Variants in HIPK2 observed in about 807,000 individuals in gnomAD.
HIPK2 encodes the protein homeodomain interacting protein kinase 2.
In HIPK2, 27 loss-of-function variants were observed where a neutral mutation model predicts 113.7. That is an observed-to-expected ratio of 0.24 (90% confidence interval 0.17 to 0.33). The LOEUF is 0.33. Ranked by LOEUF, HIPK2 falls within the 10% of genes least tolerant of loss-of-function variation. HIPK2 has a pLI of 1.00. For synonymous variants in HIPK2, 631 were observed against 642.2 expected, an observed-to-expected ratio of 0.98 and a Z score of 0.26; for missense variants, 1,257 against 1,588.0, an observed-to-expected ratio of 0.79 and a Z score of 3.54.
At chr7:139,582,534 G>C (rs896927171) in intron 13 of HIPK2, among the ~76,000 whole-genome samples, 1 of 152,242 alleles carries the variant, frequency 6.6e-6, no homozygotes, top group Admixed American at 6.5e-5. Flanking sequence ...TGCAAAAGGA[G>C]ACGTTTTAGC....
chr7:139,712,860 A>G (rs1004011282), intron 2 of HIPK2, among the ~76,000 whole-genome samples: 4 of 152,200 alleles, frequency 2.6e-5, no homozygotes, highest in African/African-American at 9.7e-5. Flanking sequence ...AAACCACTGC[A>G]GGGCTCAGAC....
At chr7:139,735,104 G>C (rs6605557) in intron 1 of HIPK2, among the ~76,000 whole-genome samples, 2 of 152,230 alleles carry the variant, frequency 1.3e-5, no homozygotes, top group South Asian at 4.1e-4. Context: ...ACTGTCGAGG[G>C]GGGAAGGGAA....
At chr7:139,754,278 T>C (rs1198981216) in intron 1 of HIPK2, among the ~76,000 whole-genome samples, 1 of 152,202 alleles carries the variant, frequency 6.6e-6, no homozygotes, top group Non-Finnish European at 1.5e-5. Flanking sequence ...GGAGCACAAA[T>C]GGTAGGCGCT....
intron 13 of HIPK2, among the ~76,000 whole-genome samples, chr7:139,578,715 G>C (rs1391371878): frequency 6.6e-6 from 1 of 152,200 alleles, no homozygotes; most frequent in Non-Finnish European, 1.5e-5. Flanking sequence ...CTGTCGCTCA[G>C]GTTGGAGTGC....
At chr7:139,660,293 T>G (rs563303255) in intron 2 of HIPK2, among the ~76,000 whole-genome samples, 20 of 141,200 alleles carry the variant, frequency 1.4e-4, no homozygotes, top group East Asian at 4.6e-4. Flanking sequence ...CAACCAATTT[T>G]TTGTTGTTGT....
intron 13 of HIPK2, 155 bp downstream of exon 13, chr7:139,583,662 C>T (rs1241167162): frequency 8.8e-7 from 1 of 1,138,954 alleles, no homozygotes; most frequent in Non-Finnish European, 1.2e-6. Context: ...GAAGCCTCCC[C>T]TGGATACTTG....
At chr7:139,703,665 G>A (rs1346704515) in intron 2 of HIPK2, among the ~76,000 whole-genome samples, 6 of 150,938 alleles carry the variant, frequency 4.0e-5, no homozygotes, top group Non-Finnish European at 7.4e-5. Context: ...ACACACAGCA[G>A]CACATGTAAC....
At chr7:139,597,433 G>C (rs1041544329) in intron 11 of HIPK2, among the ~76,000 whole-genome samples, 1 of 152,202 alleles carries the variant, frequency 6.6e-6, no homozygotes, top group South Asian at 2.1e-4. Context: ...GGTGGTGGAA[G>C]AATTGGTGTT....
At chr7:139,704,374 C>A (rs1406282618) in intron 2 of HIPK2, among the ~76,000 whole-genome samples, 1 of 138,266 alleles carries the variant, frequency 7.2e-6, no homozygotes, top group Non-Finnish European at 1.6e-5. Context: ...AACATACACA[C>A]CCAACACACC....
At position 139,701,131 on chromosome 7, in the gene HIPK2, G is replaced by A. The variant is rs952122658; in HGVS notation, c.1103+14801C>T. On this transcript the variant is annotated intron_variant, in intron 2 of 14. Transcript: ENST00000406875. ...GTTTCTTGCAAGGGCAGCCCCGATG[G>A]AGGAAGGTAAAGCAGTGAACCGGCA... Among the ~76,000 whole-genome samples, 432 of 152,322 alleles carry A rather than the reference G, an allele frequency of 2.8e-3. 5 individuals carry two copies. Among genetic ancestry groups the A allele is most frequent in the Admixed American group, 0.025 (380 of 15,306 alleles).
intron 2 of HIPK2, among the ~76,000 whole-genome samples, chr7:139,680,513 C>T (rs889946373): frequency 2.0e-5 from 3 of 152,118 alleles, no homozygotes; most frequent in Non-Finnish European, 4.4e-5. Flanking sequence ...TTTGTGAGGG[C>T]CAGGGATGTT....
intron 12 of HIPK2, among the ~76,000 whole-genome samples, chr7:139,588,284 C>T (rs912138959): frequency 5.9e-5 from 9 of 151,484 alleles, no homozygotes; most frequent in Non-Finnish European, 1.2e-4. Context: ...CACCACCACA[C>T]TCTAGCCTGG....
At chr7:139,700,064 G>A (rs1378717076) in intron 2 of HIPK2, among the ~76,000 whole-genome samples, 3 of 152,180 alleles carry the variant, frequency 2.0e-5, no homozygotes, top group Non-Finnish European at 4.4e-5. Context: ...GTTCCCAATG[G>A]GACAGGAAAA....
intron 13 of HIPK2, among the ~76,000 whole-genome samples, chr7:139,583,335 GT>G (rs1798730289): frequency 1.3e-5 from 2 of 152,186 alleles, no homozygotes; most frequent in South Asian, 4.1e-4. Flanking sequence ...ACATGGCTTG[GT>G]CTCGCCGCCC....
chr7:139,624,815 T>C (rs925072326), intron 6 of HIPK2, among the ~76,000 whole-genome samples: 1 of 152,174 alleles, frequency 6.6e-6, no homozygotes, highest in Non-Finnish European at 1.5e-5. Context: ...TGGACAAACC[T>C]AGATCAGAAG....
Position 139,683,969 on chromosome 7 carries a change from T to TC in HIPK2, c.1103+31962_1103+31963insG, listed in dbSNP as rs1794141289. On this transcript the variant is annotated intron_variant, in intron 2 of 14. Transcript: ENST00000406875. The surrounding 1 kb of genome is among the most constrained non-coding windows in gnomAD (Gnocchi z 4.2). ...TGCAGATACCATGATTTTTTTTTTT[T>TC]ACACAAATTGAAGGTTTGTGGCAAC... Among the ~76,000 whole-genome samples the TC allele has an allele frequency of 6.6e-6, 1 of 151,874 alleles. No homozygotes were observed. The highest frequency in any genetic ancestry group is 1.5e-5 in the Non-Finnish European group (1 of 67,944).
At chr7:139,602,805 G>T (rs1799482958) in intron 10 of HIPK2, among the ~76,000 whole-genome samples, 1 of 152,200 alleles carries the variant, frequency 6.6e-6, no homozygotes, top group Admixed American at 6.5e-5. Flanking sequence ...TATAGGCCAA[G>T]TGCTTTGTAT....
chr7:139,575,371 C>T, intron 13 of HIPK2, 83 bp from the exon 14 acceptor site: 1 of 1,439,218 alleles, frequency 6.9e-7, no homozygotes, highest in Non-Finnish European at 9.3e-7. Context: ...GAACAGTGGT[C>T]TTCCAGGAAG....
At chr7:139,607,961 G>A (rs1799678920) in intron 9 of HIPK2, among the ~76,000 whole-genome samples, 1 of 152,152 alleles carries the variant, frequency 6.6e-6, no homozygotes, top group South Asian at 2.1e-4. Flanking sequence ...GTTATGGCCA[G>A]GGCACAGTGG....
Sources: allele counts gnomAD v4.1 joint callset (sites outside exome capture counted in the v4.1 genomes callset), GRCh38; gene constraint gnomAD v4.1.1; non-coding constraint Gnocchi (gnomAD v3.1); transcripts MANE v1.5; gene names NCBI Gene and HGNC (gene_info 2026-07-23, HGNC 2026-07-21).